The following IGSF21 variants were observed in gnomAD, a reference collection of about 807,000 sequenced individuals.
IGSF21 encodes immunoglobin superfamily member 21, also known as immunoglobulin superfamily member 21.
A neutral mutation model predicts 46.8 loss-of-function variants in IGSF21; 28 were observed. The ratio of observed to expected loss-of-function variants is 0.60; its 90% CI spans 0.44 to 0.82. IGSF21 has a LOEUF of 0.82. Among genes scored for constraint, IGSF21 ranks in the 40% least tolerant of loss-of-function variants. The probability of loss-of-function intolerance (pLI) is 0.00; values close to 1 mark genes in which losing one functional copy is unlikely to be tolerated. For missense variants in IGSF21, 624 were observed against 665.5 expected (o/e 0.94, Z 0.69); for synonymous variants, 284 against 273.6 (o/e 1.04, Z -0.38).
At chr1:18,126,166 T>C (rs1209993351) in intron 1 of IGSF21, among the ~76,000 whole-genome samples, 1 of 151,938 alleles carries the variant, frequency 6.6e-6, no homozygotes, top group Non-Finnish European at 1.5e-5. Context: ...AGAATGTGGC[T>C]CAAGATGATG....
At chr1:18,270,935 A>G (rs16861778) in intron 2 of IGSF21, among the ~76,000 whole-genome samples, 32,764 of 152,220 alleles carry the variant, frequency 0.22, 3,711 homozygotes, top group African/African-American at 0.27. Context: ...GACTGCTGTA[A>G]TATTTACCTG....
intron 3 of IGSF21, among the ~76,000 whole-genome samples, chr1:18,297,668 G>C (rs779795170): frequency 5.9e-5 from 9 of 152,068 alleles, no homozygotes; most frequent in Non-Finnish European, 1.2e-4. Context: ...ATATAAAATG[G>C]CACAGCATCT....
At chr1:18,138,195 A>G (rs1016693307) in intron 1 of IGSF21, among the ~76,000 whole-genome samples, 1 of 152,222 alleles carries the variant, frequency 6.6e-6, no homozygotes, top group African/African-American at 2.4e-5. Flanking sequence ...AGCCCCAAGC[A>G]TGGGCTACAG....
At chr1:18,122,746 G>A (rs189083955) in intron 1 of IGSF21, among the ~76,000 whole-genome samples, 43 of 150,862 alleles carry the variant, frequency 2.9e-4, no homozygotes, top group Non-Finnish European at 4.6e-4. Flanking sequence ...TCAGCCTCCC[G>A]AGTAGCTGGC....
chr1:18,176,846 C>G (rs2086804160), intron 1 of IGSF21, among the ~76,000 whole-genome samples: 1 of 152,196 alleles, frequency 6.6e-6, no homozygotes, highest in Admixed American at 6.5e-5. Context: ...GGGGGCTACC[C>G]TGGGGCTTTA....
intron 1 of IGSF21, among the ~76,000 whole-genome samples, chr1:18,132,959 TCTTCTTG>T (rs2086336004): frequency 6.7e-6 from 1 of 148,166 alleles, no homozygotes. Context: ...TGTCTTCCTT[TCTTCTTG>T]CCAGACCAGT....
intron 3 of IGSF21, among the ~76,000 whole-genome samples, chr1:18,333,986 G>A (rs941732121): frequency 6.6e-6 from 1 of 152,260 alleles, no homozygotes; most frequent in Admixed American, 6.5e-5. Flanking sequence ...TTGGAGCACA[G>A]TTGCACCAAT....
chr1:18,342,688 T>C (rs1258868869), intron 4 of IGSF21, among the ~76,000 whole-genome samples: 3 of 152,222 alleles, frequency 2.0e-5, no homozygotes, highest in Non-Finnish European at 2.9e-5. Flanking sequence ...TTATACAATA[T>C]GTGGTCTTTT....
intron 1 of IGSF21, among the ~76,000 whole-genome samples, chr1:18,176,421 A>G (rs764370295): frequency 5.9e-5 from 9 of 152,224 alleles, no homozygotes; most frequent in Non-Finnish European, 1.0e-4. Context: ...GCTCTAGCCA[A>G]GTGATCTTGA....
chr1:18,152,003 A>C (rs1042871419), intron 1 of IGSF21, among the ~76,000 whole-genome samples: 1 of 151,972 alleles, frequency 6.6e-6, no homozygotes, highest in East Asian at 1.9e-4. Flanking sequence ...AGCCTGCTTT[A>C]TTGTTCTTTT....
chr1:18,273,415 T>C (rs61559870), intron 2 of IGSF21, among the ~76,000 whole-genome samples: 1,629 of 84,416 alleles, frequency 0.019, 77 homozygotes, highest in Admixed American at 0.031. Flanking sequence ...CTTTCCTTTC[T>C]TTTCCTTTCC....
rs370345863 is a variant in IGSF21, at chr1:18,376,907, C to T, written c.1209C>T (p.Pro403=). The T allele has an allele frequency of 1.1e-5, 17 of 1,612,812 alleles. No homozygotes were observed. The highest frequency in any genetic ancestry group is 4.5e-5 in the East Asian group (2 of 44,832). The change falls in exon 8 of 10, where the codon CCC becomes CCT. Residue 403 remains proline, a synonymous_variant. Coordinates refer to ENST00000251296, the MANE Select transcript of IGSF21 (RefSeq NM_032880.5). ...DGKELVLERV[P]AELNGSMYRC... ...AGGAGCTGGTGCTGGAGCGGGTTCC[C>T]GCCGAGCTCAATGGCTCCATGTATC... is the stretch of plus-strand genomic sequence containing the variant.
At chr1:18,339,647 C>T (rs535049825) in intron 4 of IGSF21, among the ~76,000 whole-genome samples, 112 of 152,272 alleles carry the variant, frequency 7.4e-4, no homozygotes, top group African/African-American at 2.5e-3. Flanking sequence ...ATTACTTGAG[C>T]CTGGGAGGTA....
At chr1:18,294,858 C>G (rs997514287) in intron 3 of IGSF21, among the ~76,000 whole-genome samples, 5 of 152,268 alleles carry the variant, frequency 3.3e-5, no homozygotes, top group African/African-American at 1.2e-4. Context: ...GCGACTGCCT[C>G]TTCAGGCTGC....
intron 2 of IGSF21, among the ~76,000 whole-genome samples, chr1:18,286,730 G>A (rs927025796): frequency 1.3e-5 from 2 of 152,218 alleles, no homozygotes; most frequent in Non-Finnish European, 2.9e-5. Context: ...TCGCAGAGCA[G>A]CAAGGGCCTT....
intron 1 of IGSF21, among the ~76,000 whole-genome samples, chr1:18,134,096 T>C (rs2124419289): frequency 6.6e-6 from 1 of 152,284 alleles, no homozygotes; most frequent in South Asian, 2.1e-4. Context: ...AATGTGTGTT[T>C]TAGCACCTAG....
chr1:18,196,015 G>A (rs1395964284), intron 1 of IGSF21, among the ~76,000 whole-genome samples: 1 of 152,234 alleles, frequency 6.6e-6, no homozygotes, highest in African/African-American at 2.4e-5. Flanking sequence ...CAAGCAGCTT[G>A]GTGATGCTGG....
chr1:18,285,100 T>C lies in IGSF21; in HGVS notation c.184-6766T>C, dbSNP rs1227818190. Among the ~76,000 whole-genome samples, 6 of 152,286 alleles carry C rather than the reference T, an allele frequency of 3.9e-5. No individual in the cohort carries two copies. The East Asian group carries it at 1.2e-3, about 29-fold the overall frequency. On this transcript the variant is annotated intron_variant, in intron 2 of 9. Coordinates refer to ENST00000251296, the MANE Select transcript of IGSF21 (RefSeq NM_032880.5). ...GCCCATAAGTGGGATATCAAGTTTA[T>C]TACAGCTATTTCCAACCTGTAATTG...
At chr1:18,327,020 G>C (rs947392579) in intron 3 of IGSF21, among the ~76,000 whole-genome samples, 6 of 152,126 alleles carry the variant, frequency 3.9e-5, no homozygotes, top group African/African-American at 1.4e-4. Context: ...CCTCTAATCT[G>C]GGCGAAGATT....
Sources: allele counts gnomAD v4.1 joint callset (sites outside exome capture counted in the v4.1 genomes callset), GRCh38; gene constraint gnomAD v4.1.1; transcripts MANE v1.5; gene names NCBI Gene and HGNC (gene_info 2026-07-23, HGNC 2026-07-21).